The following CCDC171 variants were observed in gnomAD, a reference collection of about 807,000 sequenced individuals.
CCDC171 encodes the protein coiled-coil domain-containing protein 171.
Under a neutral mutation model 168.2 loss-of-function variants are expected in CCDC171, and 177 were observed. The observed-to-expected ratio is 1.05, with a 90% CI of 0.93 to 1.19. The LOEUF (loss-of-function observed/expected upper bound fraction) is 1.19, where lower values mean the gene tolerates loss of function less well. Among genes scored for constraint, CCDC171 ranks in the 50% most tolerant of loss-of-function variants. CCDC171 has a pLI of 0.00. For missense variants in CCDC171, 1,991 were observed against 1,539.0 expected (o/e 1.29, Z -4.91); for synonymous variants, 687 against 540.8 (o/e 1.27, Z -3.75).
At position 15,944,943 on chromosome 9, in the gene CCDC171, C is replaced by T. The variant is rs1828167218; in HGVS notation, c.3753+24521C>T. ...ATGTGCACAATATGCAGGTTAGTTA[C>T]ATATGTATACATGTGCCATGCTGGT... On this transcript the variant is annotated intron_variant, in intron 25 of 25. Transcript: ENST00000380701. Among the ~76,000 whole-genome samples, 4 of 150,074 alleles carry T rather than the reference C, an allele frequency of 2.7e-5. 1 individual carries two copies. The highest frequency in any genetic ancestry group is 2.1e-4 in the South Asian group (1 of 4,758).
intron 7 of CCDC171, among the ~76,000 whole-genome samples, chr9:15,627,418 A>G (rs1290413312): frequency 1.3e-5 from 2 of 151,836 alleles, no homozygotes; most frequent in Admixed American, 6.6e-5. Flanking sequence ...TTAGGGTGTC[A>G]ATTTTAGATC....
intron 10 of CCDC171, 126 bp from the exon 11 acceptor site, chr9:15,695,109 G>T: frequency 4.6e-6 from 3 of 647,156 alleles, no homozygotes; most frequent in Non-Finnish European, 8.2e-6. Flanking sequence ...GAGAAAGATG[G>T]TTTATTAATA....
chr9:15,899,289 G>A (rs956007960), intron 24 of CCDC171, among the ~76,000 whole-genome samples: 1 of 152,108 alleles, frequency 6.6e-6, no homozygotes, highest in African/African-American at 2.4e-5. Flanking sequence ...ATATAAAGTT[G>A]CATTGAACAT....
chr9:15,852,013 G>A (rs2130826992), intron 23 of CCDC171, among the ~76,000 whole-genome samples: 1 of 151,826 alleles, frequency 6.6e-6, no homozygotes, highest in Non-Finnish European at 1.5e-5. Context: ...CCACTTCTTG[G>A]TTATTATGAA....
chr9:16,017,189 A>G (rs1833047724), intron 3 of CCDC171, among the ~76,000 whole-genome samples: 1 of 152,200 alleles, frequency 6.6e-6, no homozygotes, highest in Non-Finnish European at 1.5e-5. Flanking sequence ...TGAAATAAAT[A>G]AAAATGCTGT....
chr9:15,939,031 A>G (rs1428676249), intron 25 of CCDC171, among the ~76,000 whole-genome samples: 1 of 150,882 alleles, frequency 6.6e-6, no homozygotes, highest in Non-Finnish European at 1.5e-5. Context: ...AATATTATAG[A>G]TTCTTATGAT....
At chr9:15,727,247 C>T (rs1404279157) in intron 14 of CCDC171, among the ~76,000 whole-genome samples, 1 of 152,008 alleles carries the variant, frequency 6.6e-6, no homozygotes, top group Non-Finnish European at 1.5e-5. Context: ...AACAAATGAG[C>T]CCATCTTCCA....
intron 6 of CCDC171, among the ~76,000 whole-genome samples, chr9:15,602,072 T>G (rs1303285985): frequency 6.6e-6 from 1 of 152,254 alleles, no homozygotes; most frequent in Non-Finnish European, 1.5e-5. Flanking sequence ...GAACAGTAAC[T>G]TGCTTTGCTG....
intron 24 of CCDC171, among the ~76,000 whole-genome samples, chr9:15,914,581 G>C (rs1269868849): frequency 1.3e-5 from 2 of 152,140 alleles, no homozygotes; most frequent in Non-Finnish European, 2.9e-5. Flanking sequence ...AGCTTGCTGG[G>C]TTCCATGGGG....
At chr9:16,087,704 G>T in the CCDC171 span, among the ~76,000 whole-genome samples, 1 of 151,256 alleles carries the variant, frequency 6.6e-6, no homozygotes, top group East Asian at 2.0e-4. Context: ...TATCCAATTT[G>T]CCAGTCTGTG....
intron 11 of CCDC171, among the ~76,000 whole-genome samples, chr9:15,714,957 C>T (rs917465039): frequency 7.2e-5 from 11 of 152,152 alleles, no homozygotes; most frequent in Non-Finnish European, 1.3e-4. Flanking sequence ...GACTCCACTA[C>T]CCATTATGTT....
chr9:15,833,791 C>G (rs1263227386), intron 21 of CCDC171, among the ~76,000 whole-genome samples: 1 of 152,154 alleles, frequency 6.6e-6, no homozygotes, highest in Non-Finnish European at 1.5e-5. Context: ...TCTCATCTAA[C>G]TTTTAAAACA....
At chr9:15,899,970 A>G (rs1440800605) in intron 24 of CCDC171, among the ~76,000 whole-genome samples, 1 of 152,168 alleles carries the variant, frequency 6.6e-6, no homozygotes, top group African/African-American at 2.4e-5. Context: ...TTTTCTTCTA[A>G]AAGTTTCATA....
chr9:15,804,106 C>G (rs1046393203), intron 21 of CCDC171, among the ~76,000 whole-genome samples: 1 of 152,086 alleles, frequency 6.6e-6, no homozygotes, highest in Non-Finnish European at 1.5e-5. Flanking sequence ...GCTGAAGTTG[C>G]TTATCAGCTT....
chr9:15,749,474 A>C (rs2055559856), intron 18 of CCDC171, among the ~76,000 whole-genome samples: 2 of 152,204 alleles, frequency 1.3e-5, no homozygotes, highest in African/African-American at 2.4e-5. Context: ...AAGCGGACCT[A>C]ATAGACATCT....
At chr9:15,849,473 A>G (rs1055723569) in intron 23 of CCDC171, among the ~76,000 whole-genome samples, 17 of 151,642 alleles carry the variant, frequency 1.1e-4, no homozygotes, top group African/African-American at 3.9e-4. Flanking sequence ...TTCAAATTTG[A>G]TTACTCCTGT....
chr9:15,908,174 T>A (rs1470515057), intron 24 of CCDC171, among the ~76,000 whole-genome samples: 1 of 151,992 alleles, frequency 6.6e-6, no homozygotes, highest in Non-Finnish European at 1.5e-5. Context: ...CAAAGGACTA[T>A]AAATCATGCT....
chr9:15,607,392 T>G (rs1291069264), intron 6 of CCDC171, among the ~76,000 whole-genome samples: 1 of 152,210 alleles, frequency 6.6e-6, no homozygotes, highest in Non-Finnish European at 1.5e-5. Flanking sequence ...ATTGTATTAT[T>G]TTAGTATTTT....
rs576686861 is a variant in CCDC171 at position 15,902,717 on chromosome 9, G to A, written c.3601-17553G>A. ...AGTGGGTGCAGCGCACCGAGCATGA[G>A]CTGAAGCAGGGCAAGGCATCACCTC... is the stretch of plus-strand genomic sequence containing the variant. On this transcript the variant is annotated intron_variant, in intron 24 of 25. Coordinates refer to ENST00000380701, the MANE Select transcript of CCDC171 (RefSeq NM_173550.4). Among the ~76,000 whole-genome samples, 216 of 152,348 alleles carry A rather than the reference G, an allele frequency of 1.4e-3. 1 individual carries two copies. Among genetic ancestry groups the A allele is most frequent in the African/African-American group, 5.1e-3 (212 of 41,590 alleles).
Sources: allele counts gnomAD v4.1 joint callset (sites outside exome capture counted in the v4.1 genomes callset), GRCh38; gene constraint gnomAD v4.1.1; transcripts MANE v1.5; gene names NCBI Gene and HGNC (gene_info 2026-07-23, HGNC 2026-07-21).